EYS: variants seen among roughly 807,000 people sequenced by gnomAD.
EYS encodes EGF-like photoreceptor maintenance factor.
Under a neutral mutation model 282.1 loss-of-function variants are expected in EYS, and 250 were observed. That is an observed-to-expected ratio of 0.89 (90% CI 0.80 to 0.98). The LOEUF is 0.98. Ranked by LOEUF, EYS falls within the 50% of genes least tolerant of loss-of-function variation. The pLI, the probability that EYS is intolerant of heterozygous loss-of-function variation, is 0.00. For missense variants in EYS, 4,016 were observed against 3,709.0 expected (o/e 1.08, Z -2.15); for synonymous variants, 1,355 against 1,282.9 (o/e 1.06, Z -1.20).
intron 22 of EYS, among the ~76,000 whole-genome samples, chr6:64,798,103 C>T (rs1276868157): frequency 2.0e-5 from 3 of 151,830 alleles, no homozygotes; most frequent in Non-Finnish European, 4.4e-5. Context: ...AAGCAGATCA[C>T]TTTTTTTCTA....
chr6:64,970,603 G>A (rs1373709877), intron 14 of EYS, among the ~76,000 whole-genome samples: 1 of 152,162 alleles, frequency 6.6e-6, no homozygotes, highest in East Asian at 1.9e-4. Context: ...CAAGTGAGCA[G>A]TTATCTCTCC....
intron 19 of EYS, among the ~76,000 whole-genome samples, chr6:64,871,776 G>A (rs905187445): frequency 6.6e-6 from 1 of 151,970 alleles, no homozygotes; most frequent in Non-Finnish European, 1.5e-5. Context: ...GAGAAGGTAG[G>A]TTTCACCAGA....
At chr6:64,287,384 C>T (rs1396301630) in intron 30 of EYS, among the ~76,000 whole-genome samples, 2 of 152,010 alleles carry the variant, frequency 1.3e-5, no homozygotes, top group East Asian at 3.9e-4. Context: ...ATTTTATCTA[C>T]AATTTTATAA....
intron 37 of EYS, among the ~76,000 whole-genome samples, chr6:63,799,138 T>G (rs1016836357): frequency 2.7e-5 from 4 of 150,646 alleles, no homozygotes; most frequent in Non-Finnish European, 1.5e-5. Flanking sequence ...CTCAGCCTCC[T>G]GAGTAGCTGG....
chr6:64,978,406 GAA>G (rs1770541846), intron 14 of EYS, among the ~76,000 whole-genome samples: 1 of 151,876 alleles, frequency 6.6e-6, no homozygotes, highest in South Asian at 2.1e-4. Flanking sequence ...TGACCAAAAA[GAA>G]AAGATTCGTT....
chr6:64,669,397 A>G (rs1769356630), intron 22 of EYS, among the ~76,000 whole-genome samples: 1 of 152,192 alleles, frequency 6.6e-6, no homozygotes, highest in Admixed American at 6.5e-5. Context: ...GAGTGGGGGA[A>G]AGATGAAGAG....
intron 22 of EYS, among the ~76,000 whole-genome samples, chr6:64,650,632 A>G (rs1457190035): frequency 1.3e-5 from 2 of 152,122 alleles, no homozygotes; most frequent in Non-Finnish European, 2.9e-5. Flanking sequence ...ATTGGAAAGC[A>G]CAAATTGTCA....
chr6:64,941,427 A>G (rs1769087530), intron 15 of EYS, among the ~76,000 whole-genome samples: 1 of 152,112 alleles, frequency 6.6e-6, no homozygotes, highest in South Asian at 2.1e-4. Context: ...CTTTTGGAAT[A>G]ATAGCAATAG....
At chr6:64,766,681 T>TATATATATATATAC (rs1773362171) in intron 22 of EYS, among the ~76,000 whole-genome samples, 1 of 111,576 alleles carries the variant, frequency 9.0e-6, no homozygotes, top group Non-Finnish European at 1.9e-5. Flanking sequence ...TATATATATA[T>TATATATATATATAC]ATAAAATCTA....
chr6:65,623,212 C>T (rs6900513), intron 2 of EYS, among the ~76,000 whole-genome samples: 54,302 of 152,012 alleles, frequency 0.36, 12,098 homozygotes, highest in Non-Finnish European at 0.49. Context: ...CCTCCAAAGA[C>T]TTGGTTGTAA....
chr6:63,992,013 T>C (rs1767627310), intron 34 of EYS, among the ~76,000 whole-genome samples: 2 of 151,794 alleles, frequency 1.3e-5, no homozygotes, highest in African/African-American at 2.4e-5. Context: ...CCTCCAAGAA[T>C]GAAGAAGACA....
At chr6:64,138,074 A>C (rs1384896035) in intron 31 of EYS, among the ~76,000 whole-genome samples, 2 of 152,190 alleles carry the variant, frequency 1.3e-5, no homozygotes, top group Admixed American at 1.3e-4. Flanking sequence ...AAGCGAGATG[A>C]AGCAAGAAAA....
Position 65,204,984 on chromosome 6 carries a change from T to C in EYS, c.2023+90879A>G, listed in dbSNP as rs1315934. Among the ~76,000 whole-genome samples the C allele has an allele frequency of 3.1e-5, 3 of 97,728 alleles. 1 individual carries two copies. Among genetic ancestry groups the C allele is most frequent in the African/African-American group, 1.3e-4 (3 of 23,044 alleles). 64.1% of individuals were successfully genotyped at this position (97,728 alleles called of 152,430 possible). A position where few individuals can be genotyped will look rare whatever the true frequency, so the allele number is the denominator to read the frequency against. ...AATATATTTATATATTCTAGAAGAA[T>C]ATATTTATATATTCTAGAAGAATAT... On this transcript the variant is annotated intron_variant, in intron 12 of 42. Coordinates refer to ENST00000503581, the MANE Select transcript of EYS (RefSeq NM_001142800.2).
chr6:65,589,168 A>C (rs941456914), intron 2 of EYS, among the ~76,000 whole-genome samples: 2 of 151,970 alleles, frequency 1.3e-5, no homozygotes, highest in African/African-American at 2.4e-5. Flanking sequence ...ACTATCCCTG[A>C]ATGGAAACTA....
chr6:64,218,902 A>C (rs1766010844), intron 31 of EYS, among the ~76,000 whole-genome samples: 1 of 152,206 alleles, frequency 6.6e-6, no homozygotes. Flanking sequence ...GGCTCAAGTC[A>C]TCTAGAAATA....
At chr6:64,063,188 C>T (rs535141221) in intron 33 of EYS, among the ~76,000 whole-genome samples, 5 of 152,126 alleles carry the variant, frequency 3.3e-5, no homozygotes, top group Non-Finnish European at 5.9e-5. Flanking sequence ...TTTCAATTAT[C>T]GTCTGCACAG....
chr6:64,218,454 G>A (rs1014782691), intron 31 of EYS, among the ~76,000 whole-genome samples: 1 of 151,996 alleles, frequency 6.6e-6, no homozygotes, highest in African/African-American at 2.4e-5. Context: ...ATCTTGACTT[G>A]GGAGAATTGC....
chr6:64,556,510 G>A (rs1000841952), intron 26 of EYS, among the ~76,000 whole-genome samples: 2 of 151,750 alleles, frequency 1.3e-5, no homozygotes, highest in African/African-American at 4.8e-5. Context: ...AAAGGCATGA[G>A]GGAACTTTTT....
rs376620302 is a variant in EYS, at chr6:64,881,768, T to C, written c.2992+4929A>G. On this transcript the variant is annotated intron_variant, in intron 19 of 42. Transcript: ENST00000503581. The stretch of plus-strand genomic sequence containing the variant: ...TTGGCTATTAAAATTTGCATCTGGA[T>C]AGTAAATCTAGAATATAAATCTTCA... 3.3e-5 allele frequency among the ~76,000 whole-genome samples: 5 copies of C among 151,864 alleles called. No individual in the cohort carries two copies. The South Asian group carries it at 6.2e-4, about 19-fold the overall frequency.
Sources: allele counts gnomAD v4.1 joint callset (sites outside exome capture counted in the v4.1 genomes callset), GRCh38; gene constraint gnomAD v4.1.1; transcripts MANE v1.5; gene names NCBI Gene and HGNC (gene_info 2026-07-23, HGNC 2026-07-21).